PTPRK: variants seen among roughly 807,000 people sequenced by gnomAD.
PTPRK encodes receptor-type tyrosine-protein phosphatase kappa.
Under a neutral mutation model 178.0 loss-of-function variants are expected in PTPRK, and 75 were observed. The ratio of observed to expected loss-of-function variants is 0.42; its 90% CI spans 0.35 to 0.51. The LOEUF is 0.51. PTPRK is among the 20% of genes least tolerant of loss of function. The pLI, the probability that PTPRK is intolerant of heterozygous loss-of-function variation, is 0.02. For missense variants in PTPRK, 1,441 were observed against 1,797.8 expected, an observed-to-expected ratio of 0.80 and a Z score of 3.59; for synonymous variants, 637 against 620.6, an observed-to-expected ratio of 1.03 and a Z score of -0.39.
chr6:128,495,481 G>A (rs1248804832), intron 1 of PTPRK, among the ~76,000 whole-genome samples: 1 of 151,600 alleles, frequency 6.6e-6, no homozygotes, highest in African/African-American at 2.4e-5. Context: ...CTCCTTAAAT[G>A]TTACAGTTCA....
chr6:128,092,952 G>A (rs548128751), intron 7 of PTPRK, among the ~76,000 whole-genome samples: 2 of 152,234 alleles, frequency 1.3e-5, no homozygotes, highest in South Asian at 2.1e-4. Flanking sequence ...ATATTTATGA[G>A]CTGGCCATAA....
At chr6:128,353,055 CTA>C (rs1368127525) in intron 2 of PTPRK, among the ~76,000 whole-genome samples, 2 of 152,098 alleles carry the variant, frequency 1.3e-5, no homozygotes, top group Non-Finnish European at 2.9e-5. Context: ...TTAAAAAAAA[CTA>C]TTTATTTAGC....
chr6:128,250,775 G>C (rs1158371182), intron 3 of PTPRK, among the ~76,000 whole-genome samples: 1 of 152,110 alleles, frequency 6.6e-6, no homozygotes, highest in African/African-American at 2.4e-5. Flanking sequence ...TAAAATTCTA[G>C]AATCTAGTTA....
intron 5 of PTPRK, among the ~76,000 whole-genome samples, chr6:128,231,485 C>T (rs147980656): frequency 7.2e-5 from 11 of 152,274 alleles, no homozygotes; most frequent in Admixed American, 7.2e-4. Context: ...ACATGGTTTG[C>T]ACTCCTCACA....
chr6:128,506,659 CAAAAAAA>C lies in PTPRK; in HGVS notation c.100+13593_100+13599del, dbSNP rs60473661. On this transcript the variant is annotated intron_variant, in intron 1 of 29. Coordinates refer to ENST00000368226, the MANE Select transcript of PTPRK (RefSeq NM_002844.4). ...TGGTTGACAGAGTAAAACTCTGTCT[CAAAAAAA>C]AAAAAAAAAAAAAAAATTATTATAA... is the stretch of plus-strand genomic sequence containing the variant. Among the ~76,000 whole-genome samples, 491 of 53,098 alleles carry C rather than the reference CAAAAAAA, an allele frequency of 9.2e-3. 2 individuals are homozygous for C. Among genetic ancestry groups the C allele is most frequent in the Non-Finnish European group, 0.013 (332 of 25,456 alleles). 34.8% of individuals were successfully genotyped at this position (53,098 alleles called of 152,430 possible). A position where few individuals can be genotyped will look rare whatever the true frequency, so the allele number is the denominator to read the frequency against.
At position 128,378,159 on chromosome 6, in the gene PTPRK, T is replaced by C. The variant is rs148921196; in HGVS notation, c.223+19407A>G. On this transcript the variant is annotated intron_variant, in intron 2 of 29. Coordinates refer to ENST00000368226, the MANE Select transcript of PTPRK (RefSeq NM_002844.4). ...ATCTCTATATGTAATTAAGAAATTA[T>C]TACATTTATGAACTAGAAAACAAAT... 1.7e-4 allele frequency among the ~76,000 whole-genome samples: 26 copies of C among 152,256 alleles called. No homozygotes were observed. The East Asian group carries it at 4.2e-3, about 25-fold the overall frequency.
intron 15 of PTPRK, among the ~76,000 whole-genome samples, chr6:128,004,439 A>AT (rs1778194661): frequency 6.6e-6 from 1 of 151,822 alleles, no homozygotes; most frequent in Admixed American, 6.6e-5. Context: ...CAGCGGAAAT[A>AT]TTTTAAAAGC....
In PTPRK at chr6:128,363,839, C is replaced by T. The variant is rs889838237; in HGVS notation, c.223+33727G>A. On this transcript the variant is annotated intron_variant, in intron 2 of 29. Coordinates refer to ENST00000368226, the MANE Select transcript of PTPRK (RefSeq NM_002844.4). ...TTGGAGAATTTTCTGTCTTTACTTC[C>T]AGGCCCAGACTTTAGATTTATAGCA... 9.9e-5 allele frequency among the ~76,000 whole-genome samples: 15 copies of T among 152,208 alleles called. 1 individual carries two copies. Among genetic ancestry groups the T allele is most frequent in the Middle Eastern group, 6.8e-3 (2 of 292 alleles).
At chr6:128,428,989 G>A (rs1265949798) in intron 1 of PTPRK, among the ~76,000 whole-genome samples, 4 of 152,150 alleles carry the variant, frequency 2.6e-5, no homozygotes, top group Non-Finnish European at 2.9e-5. Flanking sequence ...CATTAGGTTA[G>A]GTGTATTAAA....
chr6:128,082,701 C>G, intron 9 of PTPRK, 63 bp from the exon 10 acceptor site: 1 of 1,297,728 alleles, frequency 7.7e-7, no homozygotes, highest in East Asian at 2.5e-5. Flanking sequence ...TAAATAAACT[C>G]TGTATAAATA....
chr6:128,033,142 T>C (rs1308313291), intron 13 of PTPRK, among the ~76,000 whole-genome samples: 1 of 152,168 alleles, frequency 6.6e-6, no homozygotes, highest in Non-Finnish European at 1.5e-5. Flanking sequence ...TTTTTTCTAG[T>C]TGGTTATACT....
intron 13 of PTPRK, among the ~76,000 whole-genome samples, chr6:128,034,738 G>A (rs2114811163): frequency 6.6e-6 from 1 of 152,258 alleles, no homozygotes; most frequent in Admixed American, 6.5e-5. Context: ...TGAAAAAGAA[G>A]GGTTAGACAA....
chr6:128,199,306 C>G (rs1349814817), intron 6 of PTPRK, among the ~76,000 whole-genome samples: 1 of 152,098 alleles, frequency 6.6e-6, no homozygotes, highest in Non-Finnish European at 1.5e-5. Context: ...TAGCTACATG[C>G]AGCAATACAG....
chr6:128,381,148 G>A lies in PTPRK; in HGVS notation c.223+16418C>T, dbSNP rs143015717. Among the ~76,000 whole-genome samples the A allele has an allele frequency of 2.1e-3, 324 of 152,172 alleles. 4 individuals are homozygous for A. The highest frequency in any genetic ancestry group is 7.4e-3 in the African/African-American group (305 of 41,496). ...TATGACATTATAGACTGCAGCTGCT[G>A]TCAACATTAAGTAAAATTCAAAGTA... On this transcript the variant is annotated intron_variant, in intron 2 of 29. Coordinates refer to ENST00000368226, the MANE Select transcript of PTPRK (RefSeq NM_002844.4).
intron 7 of PTPRK, among the ~76,000 whole-genome samples, chr6:128,107,657 G>A (rs1344349702): frequency 6.6e-6 from 1 of 152,146 alleles, no homozygotes; most frequent in Non-Finnish European, 1.5e-5. Flanking sequence ...TTTGCCTTAA[G>A]TTACATACAT....
At position 128,321,560 on chromosome 6, in the gene PTPRK, A is replaced by G. The variant is rs929656692; in HGVS notation, c.495+479T>C. The G allele has an allele frequency of 7.0e-6, 3 of 426,030 alleles. No homozygotes were observed. In the Admixed American group the frequency reaches 1.3e-4, roughly 18 times the overall value. 26.4% of individuals were successfully genotyped at this position (426,030 alleles called of 1,614,324 possible). On this transcript the variant is annotated intron_variant, in intron 3 of 29. Transcript: ENST00000368226. ...ATCAAAATTAAAATAATTAATGAAA[A>G]TGCCTCCCCCTTAACATAGTTCATG...
At chr6:128,438,073 G>GA (rs1184762528) in intron 1 of PTPRK, among the ~76,000 whole-genome samples, 1 of 152,208 alleles carries the variant, frequency 6.6e-6, no homozygotes, top group Non-Finnish European at 1.5e-5. Context: ...CCATTTGGAT[G>GA]AAAAAATATC....
chr6:128,061,566 G>A (rs1328021060), intron 13 of PTPRK, among the ~76,000 whole-genome samples: 3 of 151,574 alleles, frequency 2.0e-5, no homozygotes, highest in East Asian at 1.9e-4. Flanking sequence ...GGAGGCAGGG[G>A]AGGGTCTGAC....
At chr6:128,389,413 G>GTTTTTTTTTTTTTTTTTTTGT (rs11443907) in intron 2 of PTPRK, among the ~76,000 whole-genome samples, 3 of 144,430 alleles carry the variant, frequency 2.1e-5, no homozygotes, top group Non-Finnish European at 3.0e-5. Context: ...GTTTTTTTTT[G>GTTTTTTTTTTTTTTTTTTTGT]TTTTTTTTGT....
Sources: gnomAD v4.1 joint callset for allele counts (sites outside exome capture counted in the v4.1 genomes callset) on GRCh38, gnomAD v4.1.1 for gene constraint, MANE v1.5 for transcripts, NCBI Gene and HGNC (gene_info 2026-07-23, HGNC 2026-07-21) for gene names.